Variants in SCUBE2 observed in about 807,000 individuals in gnomAD.
SCUBE2 encodes signal peptide, CUB domain and EGF like domain containing 2.
SCUBE2 carries 114 observed loss-of-function variants against 125.9 expected under a neutral mutation model. That is an observed-to-expected ratio of 0.91 (90% CI 0.78 to 1.06). The LOEUF (loss-of-function observed/expected upper bound fraction) is 1.06. SCUBE2 is among the 50% of genes least tolerant of loss of function. SCUBE2 has a pLI of 0.00. For synonymous variants in SCUBE2, 459 were observed against 492.9 expected (o/e 0.93, Z 0.91); for missense variants, 1,255 against 1,301.8 (o/e 0.96, Z 0.55).
chr11:9,041,077 T>C (rs1857199606), intron 16 of SCUBE2, among the ~76,000 whole-genome samples: 1 of 152,230 alleles, frequency 6.6e-6, no homozygotes, highest in Non-Finnish European at 1.5e-5. Context: ...ACCACCACTA[T>C]CAATAATGAA....
At chr11:9,027,809 G>A (rs1033147995) in intron 19 of SCUBE2, among the ~76,000 whole-genome samples, 7 of 152,080 alleles carry the variant, frequency 4.6e-5, no homozygotes, top group African/African-American at 1.2e-4. Context: ...AAGTGTTCAC[G>A]GTCAGGGCAG....
intron 1 of SCUBE2, 83 bp from the exon 2 acceptor site, chr11:9,089,912 A>G: frequency 6.6e-7 from 1 of 1,518,594 alleles, no homozygotes; most frequent in Non-Finnish European, 8.9e-7. Context: ...CATCATCCTC[A>G]CCAGCCCACC....
intron 10 of SCUBE2, among the ~76,000 whole-genome samples, chr11:9,054,745 T>TTTTTTTTTTTTTTTTTC (rs1350882447): frequency 9.1e-6 from 1 of 110,440 alleles, no homozygotes; most frequent in Non-Finnish European, 1.9e-5. Flanking sequence ...TTTTTTTTTT[T>TTTTTTTTTTTTTTTTTC]TTTTTTTCAG....
At chr11:9,069,231 T>C (rs1860540614) in intron 5 of SCUBE2, 139 bp downstream of exon 5, 3 of 1,004,530 alleles carry the variant, frequency 3.0e-6, no homozygotes, top group Non-Finnish European at 4.4e-6. Context: ...AAGTACTTGG[T>C]AGAGGTCGGT....
rs150759466 is a variant in SCUBE2 at position 9,069,246 on chromosome 11, C to T, written c.643+124G>A. 1.4e-4 allele frequency: 176 copies of T among 1,251,352 alleles called. 2 individuals carry two copies. In the Middle Eastern group the frequency reaches 5.0e-3, roughly 36 times the overall value. The allele number at this position is 1,251,352 out of a possible 1,614,324, so 77.5% of individuals were successfully genotyped here. A position where few individuals can be genotyped will look rare whatever the true frequency, so the allele number is the denominator to read the frequency against. ...AAGTACTTGGTAGAGGTCGGTATCC[C>T]GTGCTAACTGCCTTCCCTGCTGCTG... On this transcript the variant is annotated intron_variant, in intron 5 of 22. Coordinates refer to ENST00000649792, the MANE Select transcript of SCUBE2 (RefSeq NM_001367977.2).
In SCUBE2 at chr11:9,041,906, A is replaced by G. The variant is rs543186820; in HGVS notation, c.2002+5450T>C. Among the ~76,000 whole-genome samples the G allele has an allele frequency of 4.1e-4, 62 of 152,262 alleles. 1 individual carries two copies. The highest frequency in any genetic ancestry group is 4.6e-4 in the Non-Finnish European group (31 of 68,014). ...GATGGGAGGGGTTGATGGGGACAGC[A>G]TGGGCAACATTCTTAAGAAGCTGAG... On this transcript the variant is annotated intron_variant, in intron 16 of 22. Transcript: ENST00000649792.
At chr11:9,045,596 A>AAGAC (rs530788173) in intron 16 of SCUBE2, among the ~76,000 whole-genome samples, 31 of 144,870 alleles carry the variant, frequency 2.1e-4, no homozygotes, top group African/African-American at 6.0e-4. Flanking sequence ...CCAGGACTAG[A>AAGAC]AGACAGACAG....
In SCUBE2 at chr11:9,080,832, G is replaced by C. The variant is rs183294347; in HGVS notation, c.257-1323C>G. Among the ~76,000 whole-genome samples the C allele has an allele frequency of 7.2e-5, 11 of 152,032 alleles. 1 individual carries two copies. Among genetic ancestry groups the C allele is most frequent in the Admixed American group, 7.2e-4 (11 of 15,264 alleles). ...GAAAATGAAGACAAGCCACAGATTG[G>C]TAGAAAATATTTGCAAATCACACAC... On this transcript the variant is annotated intron_variant, in intron 2 of 22. Transcript: ENST00000649792.
chr11:9,090,489 A>ATTTTTTTTTTTTTTTT (rs138136231), intron 1 of SCUBE2: 1 of 141,898 alleles, frequency 7.0e-6, no homozygotes, highest in African/African-American at 2.6e-5. Flanking sequence ...TTATTTATTT[A>ATTTTTTTTTTTTTTTT]TTTTTTTTTT....
At position 9,074,527 on chromosome 11, in the gene SCUBE2, C is replaced by T. The variant is rs1861061875; in HGVS notation, c.471G>A (p.Gly157=). The T allele has an allele frequency of 6.2e-7, 1 of 1,614,096 alleles. No individual in the cohort carries two copies. Among genetic ancestry groups the T allele is most frequent in the South Asian group, 1.1e-5 (1 of 91,092 alleles). The change falls in exon 4 of 23, where the codon GGG becomes GGA. Residue 157 remains glycine (G), a synonymous_variant. Coordinates refer to ENST00000649792, the MANE Select transcript of SCUBE2 (RefSeq NM_001367977.2). ...MGSYECCCKE[G]FFLSDNQHTC... is the part of the protein sequence containing the mutation. ...TGTGCTGATTGTCACTCAGGAAAAA[C>T]CCCTCCTTGCAGCAGCACTCATAGC...
At chr11:9,040,542 G>A (rs1444341357) in intron 16 of SCUBE2, among the ~76,000 whole-genome samples, 11 of 112,552 alleles carry the variant, frequency 9.8e-5, no homozygotes, top group Non-Finnish European at 1.4e-4. Flanking sequence ...AGGCAGGATG[G>A]GGAGGGTACA....
intron 18 of SCUBE2, 54 bp from the exon 19 acceptor site, chr11:9,030,099 C>G: frequency 6.4e-7 from 1 of 1,565,152 alleles, no homozygotes; most frequent in Non-Finnish European, 8.7e-7. Context: ...TATTTTTAAT[C>G]AAATGCAGCA....
chr11:9,082,511 AG>A (rs1250033227), intron 2 of SCUBE2, among the ~76,000 whole-genome samples: 1 of 152,234 alleles, frequency 6.6e-6, no homozygotes, highest in Non-Finnish European at 1.5e-5. Context: ...GTCTATACAA[AG>A]ACTTTCATGC....
chr11:9,085,536 C>A (rs1861979210), intron 2 of SCUBE2, among the ~76,000 whole-genome samples: 1 of 152,110 alleles, frequency 6.6e-6, no homozygotes, highest in African/African-American at 2.4e-5. Context: ...ACCATCCTGG[C>A]TAACACGGTG....
intron 15 of SCUBE2, 56 bp from the exon 16 acceptor site, chr11:9,047,618 A>G (rs1167768726): frequency 1.3e-6 from 2 of 1,544,608 alleles, no homozygotes; most frequent in Non-Finnish European, 1.8e-6. Context: ...AGCGTGTGAC[A>G]ATGGCCAGAT....
chr11:9,043,367 T>C (rs1198728570), intron 16 of SCUBE2, among the ~76,000 whole-genome samples: 1 of 152,222 alleles, frequency 6.6e-6, no homozygotes, highest in East Asian at 1.9e-4. Context: ...GTACAATAGC[T>C]AGACATCCAT....
intron 2 of SCUBE2, 27 bp downstream of exon 2, chr11:9,089,680 C>A (rs1259349388): frequency 1.9e-6 from 3 of 1,610,198 alleles, no homozygotes; most frequent in Non-Finnish European, 2.5e-6. Flanking sequence ...CCCTACAGTC[C>A]CCCCACATGG....
intron 9 of SCUBE2, among the ~76,000 whole-genome samples, chr11:9,059,080 G>A (rs1316166207): frequency 1.3e-5 from 2 of 152,128 alleles, no homozygotes; most frequent in Non-Finnish European, 2.9e-5. Flanking sequence ...GGTTCTTTAA[G>A]GTGTTCTCTA....
Position 9,091,343 on chromosome 11 carries a change from T to C in SCUBE2, c.133+53A>G, listed in dbSNP as rs1455157241. On this transcript the variant is annotated intron_variant, in intron 1 of 22. Transcript: ENST00000649792. This position sits in a 1 kb window ranked among gnomAD's most constrained non-coding sequence, Gnocchi z 8.5. ...TGGACTCCGCCGGGGACCTAAACAC[T>C]CTTCCTGGCCCTGCCTGCTGTGCCA... is the stretch of plus-strand genomic sequence containing the variant. 2.4e-6 allele frequency: 3 copies of C among 1,243,306 alleles called. No individual in the cohort carries two copies. In the East Asian group the frequency reaches 1.0e-4, roughly 41 times the overall value. 77.0% of individuals were successfully genotyped at this position (1,243,306 alleles called of 1,614,324 possible).
Sources: allele counts gnomAD v4.1 joint callset (sites outside exome capture counted in the v4.1 genomes callset), GRCh38; gene constraint gnomAD v4.1.1; non-coding constraint Gnocchi (gnomAD v3.1); transcripts MANE v1.5; gene names NCBI Gene and HGNC (gene_info 2026-07-23, HGNC 2026-07-21).